Variants in RAI1 observed in about 807,000 individuals in gnomAD.
RAI1 encodes retinoic acid-induced protein 1.
In RAI1, 9 loss-of-function variants were observed where a neutral mutation model predicts 123.8. The observed-to-expected ratio is 0.07, with a 90% confidence interval of 0.04 to 0.13. The LOEUF is 0.13. Among genes scored for constraint, RAI1 ranks in the 10% least tolerant of loss-of-function variants. The pLI, the probability that RAI1 is intolerant of heterozygous loss-of-function variation, is 1.00. For missense variants in RAI1, 2,256 were observed against 2,545.8 expected (o/e 0.89, Z 2.45); for synonymous variants, 1,231 against 1,127.3 (o/e 1.09, Z -1.84).
At chr17:17,761,248 G>C (rs2030684539) in intron 2 of RAI1, among the ~76,000 whole-genome samples, 1 of 123,128 alleles carries the variant, frequency 8.1e-6, no homozygotes, top group African/African-American at 2.8e-5. Flanking sequence ...GTTCTTCTAA[G>C]GCTTTTTTTT....
intron 1 of RAI1, among the ~76,000 whole-genome samples, chr17:17,711,284 C>T (rs1046808885): frequency 3.3e-5 from 5 of 152,222 alleles, no homozygotes; most frequent in African/African-American, 9.7e-5. Context: ...ACCCCTGGAG[C>T]ACCCGTCCCC....
At chr17:17,683,151 T>A (rs1914501974) in intron 1 of RAI1, among the ~76,000 whole-genome samples, 1 of 152,230 alleles carries the variant, frequency 6.6e-6, no homozygotes, top group Non-Finnish European at 1.5e-5. Flanking sequence ...TCCAGTTTCA[T>A]GCCGCTGCCG....
intron 2 of RAI1, among the ~76,000 whole-genome samples, chr17:17,753,526 C>A (rs1338716711): frequency 6.6e-6 from 1 of 152,124 alleles, no homozygotes; most frequent in Non-Finnish European, 1.5e-5. Context: ...TCACCAACAC[C>A]AAAAGAAAAT....
chr17:17,801,937 C>G lies in RAI1; in HGVS notation c.5566-1819C>G. The stretch of plus-strand genomic sequence containing the variant: ...TGTGGGCATGAGGCTTCCAGCCATG[C>G]CTGGCACATAGGAAGCTATTGTCGT... On this transcript the variant is annotated intron_variant, in intron 3 of 5. Transcript: ENST00000353383. This position sits in a 1 kb window ranked among gnomAD's most constrained non-coding sequence, Gnocchi z 4.1. 2.5e-6 allele frequency: 1 copy of G among 400,072 alleles called. No individual in the cohort carries two copies. Among genetic ancestry groups the G allele is most frequent in the South Asian group, 1.8e-5 (1 of 54,162 alleles). The allele number at this position is 400,072 out of a possible 1,614,324, so 24.8% of individuals were successfully genotyped here.
At position 17,801,263 on chromosome 17, in the gene RAI1, G is replaced by A. The variant is rs960140964; in HGVS notation, c.5566-2493G>A. Among the ~76,000 whole-genome samples, 7 of 152,146 alleles carry A rather than the reference G, an allele frequency of 4.6e-5. No individual in the cohort carries two copies. The highest frequency in any genetic ancestry group is 1.0e-4 in the Non-Finnish European group (7 of 68,018). On this transcript the variant is annotated intron_variant, in intron 3 of 5. Transcript: ENST00000353383. The surrounding 1 kb of genome is among the most constrained non-coding windows in gnomAD (Gnocchi z 4.1). ...GCTTGGGGTGAGAGGGACCCATAGC[G>A]GGCTCCGGGCATTGTTAGGGGGCTA...
rs772214376 is a variant in RAI1 at position 17,794,437 on chromosome 17, C to T, written c.1489C>T (p.Leu497=). 1 of 1,612,844 alleles carries T rather than the reference C, an allele frequency of 6.2e-7. No individual in the cohort carries two copies. The highest frequency in any genetic ancestry group is 1.7e-5 in the Admixed American group (1 of 60,008). The change falls in exon 3 of 6, where the codon CTG becomes TTG. Residue 497 remains leucine (L), a synonymous_variant. Coordinates refer to ENST00000353383, the MANE Select transcript of RAI1 (RefSeq NM_030665.4). ...CTCAGCCGAGCCCGCAGGCACACCG[C>T]TGTCAGAGCCGCCGAGCAGCACGCC... is the stretch of plus-strand genomic sequence containing the variant. ...GYSAEPAGTP[L]SEPPSSTPQS... is the part of the protein sequence containing the mutation.
intron 1 of RAI1, among the ~76,000 whole-genome samples, chr17:17,686,568 CGTGTGTGTGTGT>C (rs58906330): frequency 4.1e-4 from 51 of 124,498 alleles, no homozygotes; most frequent in Admixed American, 1.8e-3. Flanking sequence ...TTCTTGAACC[CGTGTGTGTGTGT>C]GTGTGTGTGT....
chr17:17,706,022 CAAAAAAA>C (rs1197967787), intron 1 of RAI1, among the ~76,000 whole-genome samples: 2 of 37,388 alleles, frequency 5.3e-5, no homozygotes, highest in Non-Finnish European at 1.2e-4. Context: ...GACTCTGTCT[CAAAAAAA>C]AAAAAAAAAA....
intron 1 of RAI1, among the ~76,000 whole-genome samples, chr17:17,719,459 A>C (rs1598032392): frequency 6.6e-6 from 1 of 152,150 alleles, no homozygotes; most frequent in Non-Finnish European, 1.5e-5. Flanking sequence ...TGCATGCCTC[A>C]CTACCTTTGT....
rs2032688790 is a variant in RAI1, at chr17:17,809,868, G to T, written c.5710-102G>T. 2.0e-6 allele frequency: 3 copies of T among 1,519,240 alleles called. No homozygotes were observed. Among genetic ancestry groups the T allele is most frequent in the Non-Finnish European group, 2.7e-6 (3 of 1,122,618 alleles). The allele number at this position is 1,519,240 out of a possible 1,614,324, so 94.1% of individuals were successfully genotyped here. On this transcript the variant is annotated intron_variant, in intron 5 of 5. Coordinates refer to ENST00000353383, the MANE Select transcript of RAI1 (RefSeq NM_030665.4). The surrounding 1 kb of genome is among the most constrained non-coding windows in gnomAD (Gnocchi z 4.9). ...GAGACCCCAGCCGCGCTCTGGGGTCGCCTGGGTCTGGGGCTTAGGCGGGGG... is the reference window on the plus strand; with the variant it reads ...GAGACCCCAGCCGCGCTCTGGGGTCTCCTGGGTCTGGGGCTTAGGCGGGGG...
chr17:17,730,363 C>T (rs1265248615), intron 2 of RAI1, among the ~76,000 whole-genome samples: 2 of 152,210 alleles, frequency 1.3e-5, no homozygotes, highest in Non-Finnish European at 2.9e-5. Flanking sequence ...GCCACCCACC[C>T]CTAGGCCCCG....
chr17:17,779,966 G>A (rs1439793810), intron 2 of RAI1, among the ~76,000 whole-genome samples: 4 of 151,558 alleles, frequency 2.6e-5, no homozygotes, highest in Non-Finnish European at 4.4e-5. Flanking sequence ...TAGTAGAGAC[G>A]GGGTTTCACC....
Position 17,794,388 on chromosome 17 carries a change from C to T in RAI1, c.1440C>T (p.His480=), listed in dbSNP as rs201776766. The change falls in exon 3 of 6, where the codon CAC becomes CAT. Residue 480 remains histidine (H), a synonymous_variant. Transcript: ENST00000353383. ...CCCCAGAGCAGCATAAAAGCCAGCA[C>T]TGCAGCCCCGAAGGGAGCGGCTACT... is the stretch of plus-strand genomic sequence containing the variant. The part of the protein sequence containing the change: ...SRTPEQHKSQ[H]CSPEGSGYSA... The T allele has an allele frequency of 1.9e-6, 3 of 1,613,228 alleles. No homozygotes were observed. Among genetic ancestry groups the T allele is most frequent in the African/African-American group, 2.7e-5 (2 of 75,080 alleles).
intron 2 of RAI1, among the ~76,000 whole-genome samples, chr17:17,755,653 C>G (rs1301562448): frequency 6.6e-6 from 1 of 152,188 alleles, no homozygotes; most frequent in African/African-American, 2.4e-5. Context: ...TGCGTCCCCC[C>G]AGATCCTTCC....
intron 2 of RAI1, among the ~76,000 whole-genome samples, chr17:17,766,907 G>T (rs1598064493): frequency 6.6e-6 from 1 of 152,032 alleles, no homozygotes; most frequent in African/African-American, 2.4e-5. Context: ...TGGTCTTGTG[G>T]CTTTGGAAGC....
At chr17:17,760,639 C>T (rs1040408852) in intron 2 of RAI1, among the ~76,000 whole-genome samples, 2 of 152,246 alleles carry the variant, frequency 1.3e-5, no homozygotes, top group South Asian at 2.1e-4. Context: ...GAAGCTGGAG[C>T]TGCTGTGGGG....
At chr17:17,711,161 A>C (rs1236347918) in intron 1 of RAI1, among the ~76,000 whole-genome samples, 1 of 152,138 alleles carries the variant, frequency 6.6e-6, no homozygotes, top group African/African-American at 2.4e-5. Context: ...GGCTGGTGAT[A>C]GGGGAGCCCT....
intron 3 of RAI1, chr17:17,802,036 C>T (rs992633181): frequency 8.5e-6 from 4 of 470,346 alleles, no homozygotes; most frequent in African/African-American, 8.0e-5. Context: ...CCCCCCGCCC[C>T]CAGCACGGTG....
chr17:17,794,429 G>T lies in RAI1; in HGVS notation c.1481G>T (p.Gly494Val). The stretch of plus-strand genomic sequence containing the variant: ...AGCGGCTACTCAGCCGAGCCCGCAG[G>T]CACACCGCTGTCAGAGCCGCCGAGC... ...EGSGYSAEPA[G>V]TPLSEPPSST... is the part of the protein sequence containing the mutation. Residue 494 changes from glycine to valine, a missense_variant, in exon 3 of 6, where the codon GGC (glycine) becomes GTC (valine). Around this residue, in one of 7 missense-constraint regions of RAI1, gnomAD observed 357 missense variants for 480.2 expected, o/e 0.74. Transcript: ENST00000353383. 1 of 1,612,924 alleles carries T rather than the reference G, an allele frequency of 6.2e-7. No individual in the cohort carries two copies. Among genetic ancestry groups the T allele is most frequent in the South Asian group, 1.1e-5 (1 of 91,086 alleles).
Sources: allele counts gnomAD v4.1 joint callset (sites outside exome capture counted in the v4.1 genomes callset), GRCh38; gene constraint gnomAD v4.1.1; regional missense constraint gnomAD v4.1.1; non-coding constraint Gnocchi (gnomAD v3.1); transcripts MANE v1.5; gene names NCBI Gene and HGNC (gene_info 2026-07-23, HGNC 2026-07-21).